Variants in UNC13C observed in about 807,000 individuals in gnomAD.
The protein encoded by UNC13C is unc-13 homolog C.
In UNC13C, 174 loss-of-function variants were observed where a neutral mutation model predicts 245.4. The observed-to-expected ratio is 0.71, with a 90% CI of 0.63 to 0.80. UNC13C has a LOEUF of 0.80. Ranked by LOEUF, UNC13C falls within the 30% of genes least tolerant of loss-of-function variation. The pLI is 0.00. For synonymous variants in UNC13C, 992 were observed against 895.1 expected (o/e 1.11, Z -1.93); for missense variants, 2,829 against 2,602.9 (o/e 1.09, Z -1.89).
chr15:54,284,818 CTT>C (rs1180676132), intron 10 of UNC13C, among the ~76,000 whole-genome samples: 3 of 151,914 alleles, frequency 2.0e-5, no homozygotes, highest in Admixed American at 6.6e-5. Context: ...ATTTTAAAAA[CTT>C]AGTATTCACT....
intron 4 of UNC13C, among the ~76,000 whole-genome samples, chr15:54,177,031 A>G (rs1032992696): frequency 6.6e-6 from 1 of 152,128 alleles, no homozygotes; most frequent in African/African-American, 2.4e-5. Context: ...TGACCTCCCA[A>G]ATGAATACTT....
intron 1 of UNC13C, among the ~76,000 whole-genome samples, chr15:53,982,886 A>C (rs1893980889): frequency 6.6e-6 from 1 of 152,126 alleles, no homozygotes; most frequent in African/African-American, 2.4e-5. Context: ...CTCCATTTCA[A>C]ATGTAGCTAC....
the UNC13C span, among the ~76,000 whole-genome samples, chr15:53,861,487 A>T: frequency 6.6e-6 from 1 of 152,110 alleles, no homozygotes; most frequent in Non-Finnish European, 1.5e-5. Flanking sequence ...ATAAAAATAT[A>T]TCATCTTTAT....
chr15:54,172,164 T>G (rs778884925), intron 4 of UNC13C, among the ~76,000 whole-genome samples: 1 of 152,010 alleles, frequency 6.6e-6, no homozygotes, highest in Non-Finnish European at 1.5e-5. Flanking sequence ...TAGAGTTAGA[T>G]AGAAGGAATA....
At chr15:54,492,920 T>G (rs1178718021) in intron 19 of UNC13C, among the ~76,000 whole-genome samples, 1 of 152,210 alleles carries the variant, frequency 6.6e-6, no homozygotes, top group Admixed American at 6.5e-5. Context: ...TAGAGGGTGT[T>G]AATCATAAGA....
At chr15:54,099,872 A>G (rs1376153290) in intron 2 of UNC13C, among the ~76,000 whole-genome samples, 2 of 152,054 alleles carry the variant, frequency 1.3e-5, no homozygotes, top group East Asian at 3.9e-4. Context: ...AGGCGGGTGG[A>G]TCACTTGAAG....
intron 2 of UNC13C, chr15:54,048,538 C>A (rs1897138359): frequency 7.6e-6 from 4 of 523,780 alleles, no homozygotes; most frequent in South Asian, 7.1e-5. Flanking sequence ...TTTTTTGACT[C>A]TTTAAATGGA....
At chr15:54,476,416 T>A (rs1213691587) in intron 19 of UNC13C, among the ~76,000 whole-genome samples, 3 of 151,362 alleles carry the variant, frequency 2.0e-5, no homozygotes, top group Non-Finnish European at 4.4e-5. Flanking sequence ...TGCCTAGGTT[T>A]TCTTCTAGGG....
At chr15:53,843,526 TA>T in the UNC13C span, among the ~76,000 whole-genome samples, 3 of 152,116 alleles carry the variant, frequency 2.0e-5, no homozygotes, top group African/African-American at 4.8e-5. Context: ...GTGTTTTACT[TA>T]TTTTTTTATA....
intron 28 of UNC13C, among the ~76,000 whole-genome samples, chr15:54,553,848 C>T (rs1896978400): frequency 6.6e-6 from 1 of 151,752 alleles, no homozygotes; most frequent in African/African-American, 2.4e-5. Flanking sequence ...TTGATGAAGC[C>T]AGATAAATTT....
intron 26 of UNC13C, among the ~76,000 whole-genome samples, chr15:54,538,019 A>C (rs1896061617): frequency 6.6e-6 from 1 of 151,568 alleles, no homozygotes; most frequent in South Asian, 2.1e-4. Flanking sequence ...AGCAAAAGAA[A>C]CTATTGTCAG....
intron 10 of UNC13C, among the ~76,000 whole-genome samples, chr15:54,280,355 C>T (rs2036944058): frequency 6.6e-6 from 1 of 151,728 alleles, no homozygotes; most frequent in South Asian, 2.1e-4. Context: ...ACAATACGAT[C>T]CCATATTTGT....
At chr15:53,849,774 G>T in the UNC13C span, among the ~76,000 whole-genome samples, 1 of 152,086 alleles carries the variant, frequency 6.6e-6, no homozygotes, top group Non-Finnish European at 1.5e-5. Context: ...GTGCTTCCAG[G>T]AGATGACATT....
chr15:53,943,918 G>C, the UNC13C span, among the ~76,000 whole-genome samples: 1 of 151,888 alleles, frequency 6.6e-6, no homozygotes, highest in African/African-American at 2.4e-5. Flanking sequence ...GTTTTTATCT[G>C]ATAGTAGCAT....
At chr15:54,501,709 T>C (rs1332118646) in intron 22 of UNC13C, among the ~76,000 whole-genome samples, 1 of 152,012 alleles carries the variant, frequency 6.6e-6, no homozygotes, top group African/African-American at 2.4e-5. Context: ...CAACCGTAAA[T>C]TGAGTGGAGG....
chr15:54,373,024 A>T (rs971886439), intron 17 of UNC13C, among the ~76,000 whole-genome samples: 1 of 152,228 alleles, frequency 6.6e-6, no homozygotes, highest in African/African-American at 2.4e-5. Flanking sequence ...TGACTCAGCC[A>T]GTCCTCTGGG....
intron 2 of UNC13C, among the ~76,000 whole-genome samples, chr15:54,055,025 G>A (rs906590536): frequency 2.0e-5 from 3 of 152,026 alleles, no homozygotes; most frequent in Non-Finnish European, 2.9e-5. Context: ...TTCTTTTACA[G>A]TTATAGCCTG....
intron 4 of UNC13C, among the ~76,000 whole-genome samples, chr15:54,155,291 T>C (rs1470638488): frequency 6.6e-6 from 1 of 152,162 alleles, no homozygotes; most frequent in East Asian, 1.9e-4. Context: ...AACTTGATTA[T>C]ATGATGGTGA....
intron 26 of UNC13C, among the ~76,000 whole-genome samples, chr15:54,534,699 G>C (rs1895910862): frequency 6.6e-6 from 1 of 152,150 alleles, no homozygotes; most frequent in South Asian, 2.1e-4. Context: ...AATGATACAA[G>C]GGCTAAAAGA....
Sources: gnomAD v4.1 joint callset for allele counts (sites outside exome capture counted in the v4.1 genomes callset) on GRCh38, gnomAD v4.1.1 for gene constraint, MANE v1.5 for transcripts, NCBI Gene and HGNC (gene_info 2026-07-23, HGNC 2026-07-21) for gene names.